The following VWF variants were observed in gnomAD, a reference collection of about 807,000 sequenced individuals.
VWF encodes the protein Factor VIII related antigen.
Under a neutral mutation model 308.6 loss-of-function variants are expected in VWF, and 176 were observed. That is an observed-to-expected ratio of 0.57 (90% CI 0.50 to 0.65). The LOEUF (loss-of-function observed/expected upper bound fraction) is 0.65, where lower values mean the gene tolerates loss of function less well. Ranked by LOEUF, VWF falls within the 30% of genes least tolerant of loss-of-function variation. VWF has a pLI of 0.00. For missense variants in VWF, 3,146 were observed against 3,648.2 expected, an observed-to-expected ratio of 0.86 and a Z score of 3.55; for synonymous variants, 1,385 against 1,443.4, an observed-to-expected ratio of 0.96 and a Z score of 0.92.
chr12:5,989,286 T>C (rs216887), intron 38 of VWF, among the ~76,000 whole-genome samples: 79,718 of 152,076 alleles, frequency 0.52, 21,222 homozygotes, highest in East Asian at 0.75. Flanking sequence ...TTTGCTCTTC[T>C]GAAATTACTA....
In VWF at chr12:6,057,973, G is replaced by A; in HGVS notation, c.1605C>T (p.Phe535=). ...GCTCCGCCAGCCCAGAGGGGGTAAG[G>A]AAGTCGTCGCCCTGGTTGCCATTGT... ...GNYNGNQGDD[F]LTPSGLAEPR... is the part of the protein sequence containing the mutation. The change falls in exon 14 of 52, where the codon TTC becomes TTT. Residue 535 remains phenylalanine (F), a synonymous_variant. Transcript: ENST00000261405. 1 of 1,613,714 alleles carries A rather than the reference G, an allele frequency of 6.2e-7. No individual in the cohort carries two copies. The highest frequency in any genetic ancestry group is 8.5e-7 in the Non-Finnish European group (1 of 1,180,034).
At chr12:5,949,413 C>T (rs1174337457) in intron 51 of VWF, among the ~76,000 whole-genome samples, 1 of 152,164 alleles carries the variant, frequency 6.6e-6, no homozygotes, top group South Asian at 2.1e-4. Context: ...ATCATACCCA[C>T]ACCCCTCTAG....
intron 43 of VWF, among the ~76,000 whole-genome samples, chr12:5,972,315 G>A (rs1339905503): frequency 6.6e-6 from 1 of 152,218 alleles, no homozygotes; most frequent in Non-Finnish European, 1.5e-5. Context: ...AAGTTTGTCA[G>A]CCCATCTTGC....
intron 43 of VWF, among the ~76,000 whole-genome samples, chr12:5,973,188 A>G (rs1335254312): frequency 2.0e-5 from 3 of 152,076 alleles, no homozygotes; most frequent in Non-Finnish European, 4.4e-5. Flanking sequence ...CCAGGGTCCA[A>G]CCTATATTTT....
intron 5 of VWF, among the ~76,000 whole-genome samples, chr12:6,107,342 CAT>C (rs1051295794): frequency 1.2e-4 from 18 of 152,318 alleles, no homozygotes; most frequent in African/African-American, 4.3e-4. Context: ...GTGGTGGTTA[CAT>C]GACTCTACGC....
At chr12:6,093,615 G>A (rs1002252162) in intron 6 of VWF, among the ~76,000 whole-genome samples, 1 of 152,198 alleles carries the variant, frequency 6.6e-6, no homozygotes, top group Non-Finnish European at 1.5e-5. Flanking sequence ...GAGTCTCTGA[G>A]CACAATCCCA....
In VWF at chr12:5,992,802, A is replaced by G. The variant is rs144348265; in HGVS notation, c.6599-784T>C. ...AAGTTTCCAAGGATTTGGAGCACCA[A>G]AGATTTCCCTCTGTGTGCACAGTAA... is the stretch of plus-strand genomic sequence containing the variant. On this transcript the variant is annotated intron_variant, in intron 37 of 51. Coordinates refer to ENST00000261405, the MANE Select transcript of VWF (RefSeq NM_000552.5). 7.2e-5 allele frequency among the ~76,000 whole-genome samples: 11 copies of G among 152,338 alleles called. No individual in the cohort carries two copies. The East Asian group carries it at 1.4e-3, about 19-fold the overall frequency.
intron 6 of VWF, among the ~76,000 whole-genome samples, chr12:6,094,466 A>G (rs1945083132): frequency 6.6e-6 from 1 of 152,226 alleles, no homozygotes. Context: ...GACACCTAGC[A>G]GGTGATGATG....
At position 6,124,513 on chromosome 12, in the gene VWF, C is replaced by T. The variant is rs1190740071; in HGVS notation, c.-93G>A. On this transcript the variant is annotated 5_prime_UTR_variant, in exon 1 of 52. Coordinates refer to ENST00000261405, the MANE Select transcript of VWF (RefSeq NM_000552.5). Reference sequence around the variant, plus strand: ...TGCCGCCCACCCTAGGCCATGCTCTCAGCTGCTGCAAAGGCTCAATCAGGT... The same window carrying T: ...TGCCGCCCACCCTAGGCCATGCTCTTAGCTGCTGCAAAGGCTCAATCAGGT... 6.6e-6 allele frequency: 1 copy of T among 152,530 alleles called. No homozygotes were observed. The highest frequency in any genetic ancestry group is 1.5e-5 in the Non-Finnish European group (1 of 68,280). 9.4% of individuals were successfully genotyped at this position (152,530 alleles called of 1,614,324 possible).
intron 9 of VWF, 46 bp downstream of exon 9, chr12:6,072,285 G>A (rs775075794): frequency 6.3e-7 from 1 of 1,581,104 alleles, no homozygotes; most frequent in South Asian, 1.1e-5. Flanking sequence ...TCCCTCCCCA[G>A]TCCCCCAGGC....
intron 42 of VWF, among the ~76,000 whole-genome samples, chr12:5,981,380 A>AT (rs1205307124): frequency 6.6e-6 from 1 of 152,214 alleles, no homozygotes; most frequent in Non-Finnish European, 1.5e-5. Context: ...ATGTATAACT[A>AT]TTAACTGATC....
At chr12:6,035,431 A>G (rs965411115) in intron 19 of VWF, among the ~76,000 whole-genome samples, 3 of 152,320 alleles carry the variant, frequency 2.0e-5, no homozygotes, top group Admixed American at 1.3e-4. Flanking sequence ...GACATCAAGA[A>G]GCCCACTTGT....
chr12:6,081,160 C>A (rs1180565272), intron 6 of VWF, among the ~76,000 whole-genome samples: 4 of 152,192 alleles, frequency 2.6e-5, no homozygotes, highest in African/African-American at 9.7e-5. Context: ...TCCTAGCCCA[C>A]CTAAAGTACT....
intron 5 of VWF, among the ~76,000 whole-genome samples, chr12:6,108,099 G>C (rs571098075): frequency 1.3e-5 from 2 of 151,988 alleles, no homozygotes; most frequent in African/African-American, 4.8e-5. Flanking sequence ...TTCAAGACTA[G>C]CCTGGCCAAC....
chr12:6,068,231 C>A (rs1292936792), intron 10 of VWF, among the ~76,000 whole-genome samples: 1 of 151,904 alleles, frequency 6.6e-6, no homozygotes, highest in Non-Finnish European at 1.5e-5. Flanking sequence ...CGGAACCTCT[C>A]ACCTAATGGA....
intron 6 of VWF, among the ~76,000 whole-genome samples, chr12:6,088,911 T>G (rs1221376296): frequency 6.6e-6 from 1 of 152,206 alleles, no homozygotes; most frequent in Non-Finnish European, 1.5e-5. Flanking sequence ...AAACATTCAT[T>G]CCCTAGGTAT....
chr12:6,088,761 T>C (rs1465871145), intron 6 of VWF, among the ~76,000 whole-genome samples: 2 of 152,226 alleles, frequency 1.3e-5, no homozygotes, highest in African/African-American at 4.8e-5. Flanking sequence ...TATCTGAATG[T>C]TCATAGCTTG....
chr12:6,003,814 C>CTTTTTTTT (rs34433330), intron 34 of VWF, among the ~76,000 whole-genome samples: 1 of 122,822 alleles, frequency 8.1e-6, no homozygotes, highest in Non-Finnish European at 1.6e-5. Context: ...CTTTCTCTCT[C>CTTTTTTTT]TTTTTTTTTT....
intron 51 of VWF, 65 bp downstream of exon 51, chr12:5,949,721 G>A (rs1028054691): frequency 6.8e-7 from 1 of 1,471,882 alleles, no homozygotes; most frequent in African/African-American, 1.4e-5. Flanking sequence ...TGTAACTAAG[G>A]ATAGGTATCC....
Sources: gnomAD v4.1 joint callset for allele counts (sites outside exome capture counted in the v4.1 genomes callset) on GRCh38, gnomAD v4.1.1 for gene constraint, MANE v1.5 for transcripts, NCBI Gene and HGNC (gene_info 2026-07-23, HGNC 2026-07-21) for gene names.